The following ARK2C variants were observed in gnomAD, a reference collection of about 807,000 sequenced individuals.
The protein encoded by ARK2C is arkadia (RNF111) C-terminal like ring finger ubiquitin ligase 2C.
the ARK2C span, among the ~76,000 whole-genome samples, chr18:46,368,933 G>T: frequency 6.6e-6 from 1 of 152,308 alleles, no homozygotes; most frequent in South Asian, 2.1e-4. Flanking sequence ...CACAGTAATT[G>T]CTTAGTGAAT....
At chr18:46,406,240 C>G in the ARK2C span, among the ~76,000 whole-genome samples, 5 of 152,212 alleles carry the variant, frequency 3.3e-5, no homozygotes, top group African/African-American at 1.2e-4. Flanking sequence ...CATTGAACCC[C>G]CCTCTCAACC....
the ARK2C span, among the ~76,000 whole-genome samples, chr18:46,445,878 A>T: frequency 2.0e-5 from 3 of 148,438 alleles, no homozygotes; most frequent in African/African-American, 7.6e-5. Flanking sequence ...AGAAGCGGAA[A>T]TTCCTTTAAT....
the ARK2C span, among the ~76,000 whole-genome samples, chr18:46,384,515 T>C: frequency 0.35 from 53,871 of 152,082 alleles, 10,236 homozygotes; most frequent in African/African-American, 0.51. Flanking sequence ...TGAATATTTC[T>C]CATGGATACA....
the ARK2C span, among the ~76,000 whole-genome samples, chr18:46,344,467 C>G: frequency 3.9e-5 from 6 of 152,122 alleles, no homozygotes; most frequent in Non-Finnish European, 7.4e-5. Flanking sequence ...GAGGACCACC[C>G]ACCTCCTAGA....
the ARK2C span, among the ~76,000 whole-genome samples, chr18:46,422,091 C>G: frequency 6.6e-6 from 1 of 152,166 alleles, no homozygotes; most frequent in African/African-American, 2.4e-5. Flanking sequence ...AACTGATACA[C>G]CTGGAGTACA....
At chr18:46,365,409 A>G in the ARK2C span, among the ~76,000 whole-genome samples, 4 of 152,180 alleles carry the variant, frequency 2.6e-5, no homozygotes, top group Non-Finnish European at 5.9e-5. Flanking sequence ...GAACAGATGT[A>G]CCTATGTCTT....
the ARK2C span, among the ~76,000 whole-genome samples, chr18:46,388,361 A>G: frequency 6.6e-6 from 1 of 152,220 alleles, no homozygotes; most frequent in East Asian, 1.9e-4. Flanking sequence ...AACTTTTTCA[A>G]CTTTATAATG....
the ARK2C span, chr18:46,456,883 C>T: frequency 2.0e-6 from 1 of 491,240 alleles, no homozygotes; most frequent in South Asian, 2.1e-5. Flanking sequence ...GCTGGCGGTG[C>T]CCAGCGCAAG....
the ARK2C span, among the ~76,000 whole-genome samples, chr18:46,404,775 C>CACACACAT: frequency 6.8e-6 from 1 of 147,242 alleles, no homozygotes; most frequent in Non-Finnish European, 1.5e-5. Flanking sequence ...CACAAACACA[C>CACACACAT]ACACACACAC....
At chr18:46,387,664 C>T in the ARK2C span, among the ~76,000 whole-genome samples, 2 of 152,216 alleles carry the variant, frequency 1.3e-5, no homozygotes, top group Non-Finnish European at 2.9e-5. Context: ...GGTGCAAGGG[C>T]CCCTGAATGG....
At chr18:46,359,818 T>C in the ARK2C span, among the ~76,000 whole-genome samples, 1 of 152,200 alleles carries the variant, frequency 6.6e-6, no homozygotes, top group South Asian at 2.1e-4. Flanking sequence ...CCCTTGAGTC[T>C]GCATTCCAGC....
chr18:46,382,003 G>A, the ARK2C span, among the ~76,000 whole-genome samples: 3 of 152,178 alleles, frequency 2.0e-5, no homozygotes, highest in African/African-American at 7.2e-5. Context: ...TGCTCTGCAG[G>A]AGCCCCACAG....
At chr18:46,334,670 CCGTGTGTGTGTGTG>C in the ARK2C span, 4 of 293,010 alleles carry the variant, frequency 1.4e-5, no homozygotes, top group Admixed American at 6.7e-5. The surrounding 1 kb of genome is among the most constrained non-coding windows in gnomAD (Gnocchi z 4.4). Context: ...AGATACATGA[CCGTGTGTGTGTGTG>C]TGTGTGTGTG....
chr18:46,403,124 A>G, the ARK2C span, among the ~76,000 whole-genome samples: 10 of 152,078 alleles, frequency 6.6e-5, no homozygotes, highest in African/African-American at 2.4e-4. Context: ...TGGCCTCTCC[A>G]TCTAGGCCTG....
chr18:46,396,137 G>A, the ARK2C span, among the ~76,000 whole-genome samples: 1 of 152,218 alleles, frequency 6.6e-6, no homozygotes, highest in Non-Finnish European at 1.5e-5. Flanking sequence ...TAGGCTTGGA[G>A]CTAGAACAGT....
chr18:46,424,437 G>A, the ARK2C span, among the ~76,000 whole-genome samples: 2 of 152,172 alleles, frequency 1.3e-5, no homozygotes, highest in East Asian at 3.9e-4. Context: ...TTATTTGGAA[G>A]AGGGATTTCG....
At chr18:46,456,849 G>A in the ARK2C span, 335 of 536,474 alleles carry the variant, frequency 6.2e-4, 2 homozygotes, top group Non-Finnish European at 8.7e-4. Context: ...GTCCCCATCC[G>A]CCTGGCTGAG....
chr18:46,374,983 G>A, the ARK2C span, among the ~76,000 whole-genome samples: 3 of 152,100 alleles, frequency 2.0e-5, no homozygotes, highest in Admixed American at 2.0e-4. Context: ...TCCTCTTCAG[G>A]TCTTGGGCCC....
chr18:46,389,378 G>C, the ARK2C span, among the ~76,000 whole-genome samples: 1 of 152,196 alleles, frequency 6.6e-6, no homozygotes, highest in Non-Finnish European at 1.5e-5. Flanking sequence ...ACTGGATAAA[G>C]TCCCACTGGA....
Sources: gnomAD v4.1 joint callset for allele counts (sites outside exome capture counted in the v4.1 genomes callset) on GRCh38, gnomAD v4.1.1 for gene constraint, Gnocchi (gnomAD v3.1) non-coding constraint, MANE v1.5 for transcripts, NCBI Gene and HGNC (gene_info 2026-07-23, HGNC 2026-07-21) for gene names.